The following SHISA3 variants were observed in gnomAD, a reference collection of about 807,000 sequenced individuals.
SHISA3 encodes protein shisa-3 homolog.
Under a neutral mutation model 19.2 loss-of-function variants are expected in SHISA3, and 15 were observed. That is an observed-to-expected ratio of 0.78 (90% confidence interval 0.52 to 1.20). The LOEUF is 1.20. SHISA3 is among the 50% of genes most tolerant of loss of function. SHISA3 has a pLI of 0.00. For missense variants in SHISA3, 327 were observed against 315.7 expected, an observed-to-expected ratio of 1.04 and a Z score of -0.27; for synonymous variants, 145 against 135.2, an observed-to-expected ratio of 1.07 and a Z score of -0.50.
chr4:42,398,869 G>A (rs1711828694), intron 1 of SHISA3, among the ~76,000 whole-genome samples: 1 of 152,006 alleles, frequency 6.6e-6, no homozygotes, highest in Non-Finnish European at 1.5e-5. Flanking sequence ...CCACGGCCCC[G>A]TTCTGCAGAC....
intron 1 of SHISA3, among the ~76,000 whole-genome samples, chr4:42,399,945 G>C (rs1711858327): frequency 6.6e-6 from 1 of 152,192 alleles, no homozygotes; most frequent in Non-Finnish European, 1.5e-5. Flanking sequence ...ATAGTTACCT[G>C]TCCCTCACTA....
intron 1 of SHISA3, among the ~76,000 whole-genome samples, chr4:42,400,800 T>C (rs1711887854): frequency 2.0e-5 from 3 of 152,208 alleles, no homozygotes; most frequent in Admixed American, 6.5e-5. Flanking sequence ...GGTATCCGTT[T>C]GCTTCCTCCC....
chr4:42,401,790 A>G lies in SHISA3; in HGVS notation c.*339A>G, dbSNP rs911768519. 1 of 218,304 alleles carries G rather than the reference A, an allele frequency of 4.6e-6. No individual in the cohort carries two copies. Among genetic ancestry groups the G allele is most frequent in the Admixed American group, 5.4e-5 (1 of 18,590 alleles). The allele number at this position is 218,304 out of a possible 1,614,324, so 13.5% of individuals were successfully genotyped here. On this transcript the variant is annotated 3_prime_UTR_variant, in exon 2 of 2. Coordinates refer to ENST00000319234, the MANE Select transcript of SHISA3 (RefSeq NM_001080505.3). Reference sequence around the variant, plus strand: ...GCTATATTGCTTAGAAAAGGGCTACATGTTTCTTTTTCATATAAGTTGTTC... The same window carrying G: ...GCTATATTGCTTAGAAAAGGGCTACGTGTTTCTTTTTCATATAAGTTGTTC...
In SHISA3 at chr4:42,399,498, C is replaced by T. The variant is rs549441809; in HGVS notation, c.277+1165C>T. The stretch of plus-strand genomic sequence containing the variant: ...TTAGAAAAATATAGACTCTTCCCCA[C>T]GGCTTCACTCGCTCACCCTGGGGGA... On this transcript the variant is annotated intron_variant, in intron 1 of 1. Transcript: ENST00000319234. 2.9e-3 allele frequency among the ~76,000 whole-genome samples: 444 copies of T among 152,340 alleles called. 5 individuals carry two copies. Among genetic ancestry groups the T allele is most frequent in the Admixed American group, 7.6e-3 (117 of 15,312 alleles).
chr4:42,398,434 T>G, intron 1 of SHISA3, 101 bp downstream of exon 1: 4 of 1,253,130 alleles, frequency 3.2e-6, no homozygotes, highest in Admixed American at 3.0e-5. Context: ...CTATGCGCCT[T>G]CCTGGGTCTG....
In SHISA3 at chr4:42,401,222, G is replaced by C. The variant is rs1560287636; in HGVS notation, c.488G>C (p.Ser163Thr). ...CCCAGGGCACCCTCCCGGCAGTCCAGCACAGCCACGAGCTCCAGCTCCACA... is the reference window on the plus strand; with the variant it reads ...CCCAGGGCACCCTCCCGGCAGTCCACCACAGCCACGAGCTCCAGCTCCACA... Reference protein sequence around the residue: ...TSPRAPSRQSSTATSSSSTGG... With the variant: ...TSPRAPSRQSTTATSSSSTGG... Residue 163 changes from serine to threonine, a missense_variant, in exon 2 of 2, where the codon AGC becomes ACC. Ser to Thr is a moderately conservative substitution (Grantham distance 58). Coordinates refer to ENST00000319234, the MANE Select transcript of SHISA3 (RefSeq NM_001080505.3). The C allele has an allele frequency of 9.3e-6, 15 of 1,614,176 alleles. No homozygotes were observed. The highest frequency in any genetic ancestry group is 1.3e-5 in the African/African-American group (1 of 75,054).
intron 1 of SHISA3, among the ~76,000 whole-genome samples, chr4:42,399,696 C>T (rs1438898666): frequency 1.3e-5 from 2 of 152,206 alleles, no homozygotes; most frequent in Non-Finnish European, 2.9e-5. Context: ...CACTTGCCGG[C>T]GGTGTAACTT....
rs769999265 is a variant in SHISA3, at chr4:42,401,732, C to A, written c.*281C>A. On this transcript the variant is annotated 3_prime_UTR_variant, in exon 2 of 2. Transcript: ENST00000319234. ...ATGCAGCAGTTTGACTTTAAAGTTG[C>A]AAACTGGCTAAAAACGTTTTACTGG... 1 of 362,262 alleles carries A rather than the reference C, an allele frequency of 2.8e-6. No homozygotes were observed. 22.4% of individuals were successfully genotyped at this position (362,262 alleles called of 1,614,324 possible).
rs1216300883 is a variant in SHISA3, at chr4:42,397,798, G to C, written c.-259G>C. ...GGCGGCAGCGACAGCCCCAGCAACT[G>C]CCTCTGCCGGCGCCTCCCGCAGGCC... On this transcript the variant is annotated 5_prime_UTR_variant, in exon 1 of 2. Coordinates refer to ENST00000319234, the MANE Select transcript of SHISA3 (RefSeq NM_001080505.3). 4 of 430,440 alleles carry C rather than the reference G, an allele frequency of 9.3e-6. No individual in the cohort carries two copies. The highest frequency in any genetic ancestry group is 5.1e-5 in the South Asian group (1 of 19,432). The allele number at this position is 430,440 out of a possible 1,614,324, so 26.7% of individuals were successfully genotyped here.
In SHISA3 at chr4:42,398,262, C is replaced by G. The variant is rs577596681; in HGVS notation, c.206C>G (p.Ala69Gly). The change falls in exon 1 of 2, where the codon GCC becomes GGC. Residue 69 changes from alanine to glycine, a missense_variant. Coordinates refer to ENST00000319234, the MANE Select transcript of SHISA3 (RefSeq NM_001080505.3). ...SCALRYCCAA[A>G]DARLEQGGCT... ...GCGCTCCGCTACTGTTGCGCCGCGG[C>G]CGACGCCAGGCTGGAGCAGGGCGGC... is the stretch of plus-strand genomic sequence containing the variant. 1 of 1,569,420 alleles carries G rather than the reference C, an allele frequency of 6.4e-7. No individual in the cohort carries two copies. Among genetic ancestry groups the G allele is most frequent in the East Asian group, 2.4e-5 (1 of 42,114 alleles).
At chr4:42,398,378 C>T (rs749420437) in intron 1 of SHISA3, 45 bp downstream of exon 1, 22 of 1,465,530 alleles carry the variant, frequency 1.5e-5, no homozygotes, top group South Asian at 1.3e-4. Flanking sequence ...CGCCTAACGG[C>T]GGCGGCTGCA....
At position 42,402,227 on chromosome 4, in the gene SHISA3, T is replaced by C. The variant is rs1195835637; in HGVS notation, c.*776T>C. On this transcript the variant is annotated 3_prime_UTR_variant, in exon 2 of 2. Coordinates refer to ENST00000319234, the MANE Select transcript of SHISA3 (RefSeq NM_001080505.3). ...TTGGACAGTTGGGGCTTAAAACATT[T>C]ATTTGTAAAATGAGCTATGTTCAAA... is the stretch of plus-strand genomic sequence containing the variant. 6.6e-6 allele frequency: 1 copy of C among 152,230 alleles called. No homozygotes were observed. The highest frequency in any genetic ancestry group is 1.5e-5 in the Non-Finnish European group (1 of 68,028). The allele number at this position is 152,230 out of a possible 1,614,324, so 9.4% of individuals were successfully genotyped here.
At position 42,400,987 on chromosome 4, in the gene SHISA3, G is replaced by A. The variant is rs201040743; in HGVS notation, c.278-25G>A. ...CTGGGAGATCCTCATCTGAGCATCT[G>A]TTTATGTCTGTTTTTGCCTTTTAGA... On this transcript the variant is annotated intron_variant, in intron 1 of 1. Transcript: ENST00000319234. 2.7e-5 allele frequency: 44 copies of A among 1,609,258 alleles called. No homozygotes were observed. The East Asian group carries it at 9.4e-4, about 34-fold the overall frequency.
rs1711780691 is a variant in SHISA3 at position 42,397,833 on chromosome 4, T to C, written c.-224T>C. ...GCGCCTCCCGCAGGCCCTCGCCAAC[T>C]CGCCCCGCGCACCATGCTGACTCCC... On this transcript the variant is annotated 5_prime_UTR_variant, in exon 1 of 2. Transcript: ENST00000319234. The C allele has an allele frequency of 3.4e-5, 15 of 444,630 alleles. No individual in the cohort carries two copies. In the East Asian group the frequency reaches 5.4e-4, roughly 16 times the overall value. The allele number at this position is 444,630 out of a possible 1,614,324, so 27.5% of individuals were successfully genotyped here. A position where few individuals can be genotyped will look rare whatever the true frequency, so the allele number is the denominator to read the frequency against.
chr4:42,400,950 A>G (rs1053571966), intron 1 of SHISA3, 62 bp from the exon 2 acceptor site: 4 of 1,540,542 alleles, frequency 2.6e-6, no homozygotes, highest in Non-Finnish European at 3.5e-6. Context: ...CTGCCCAAGC[A>G]GAGTTCAGAA....
At chr4:42,398,382 G>A in intron 1 of SHISA3, 49 bp downstream of exon 1, 2 of 1,479,180 alleles carry the variant, frequency 1.4e-6, no homozygotes, top group South Asian at 1.3e-5. Flanking sequence ...TAACGGCGGC[G>A]GCTGCATGTG....
rs1457841863 is a variant in SHISA3, at chr4:42,402,479, T to G, written c.*1028T>G. ...ATAAATAAAACACTTTATATTTTCA[T>G]GAACTCTATTTAAATTTTAATGTGA... On this transcript the variant is annotated 3_prime_UTR_variant, in exon 2 of 2. Coordinates refer to ENST00000319234, the MANE Select transcript of SHISA3 (RefSeq NM_001080505.3). 6.6e-6 allele frequency: 1 copy of G among 152,202 alleles called. No individual in the cohort carries two copies. Among genetic ancestry groups the G allele is most frequent in the East Asian group, 1.9e-4 (1 of 5,204 alleles). 9.4% of individuals were successfully genotyped at this position (152,202 alleles called of 1,614,324 possible). A position where few individuals can be genotyped will look rare whatever the true frequency, so the allele number is the denominator to read the frequency against.
Position 42,401,021 on chromosome 4 carries a change from A to ACGTC in SHISA3, c.289_292dup (p.Pro98ArgfsTer88), listed in dbSNP as rs1424794264. The stretch of plus-strand genomic sequence containing the variant: ...TGTTTTTGCCTTTTAGAGCCTGTCT[A>ACGTC]CGTCCCCTTTCTCATCGTCGGCTCC... On this transcript the variant is annotated frameshift_variant, in exon 2 of 2. Transcript: ENST00000319234. LOFTEE classifies it high-confidence loss of function. The ACGTC allele has an allele frequency of 3.7e-6, 6 of 1,613,828 alleles. No homozygotes were observed. The highest frequency in any genetic ancestry group is 5.1e-6 in the Non-Finnish European group (6 of 1,179,894).
intron 1 of SHISA3, among the ~76,000 whole-genome samples, chr4:42,398,824 C>CT (rs11311921): frequency 4.8e-4 from 73 of 151,758 alleles, no homozygotes; most frequent in Middle Eastern, 3.4e-3. Context: ...ACCCCAGTCA[C>CT]TTTTTTTTTC....
Sources: allele counts gnomAD v4.1 joint callset (sites outside exome capture counted in the v4.1 genomes callset), GRCh38; gene constraint gnomAD v4.1.1; transcripts MANE v1.5; gene names NCBI Gene and HGNC (gene_info 2026-07-23, HGNC 2026-07-21).